Variants in PCSK2 observed in about 807,000 individuals in gnomAD.
PCSK2 encodes proprotein convertase subtilisin/kexin type 2.
PCSK2 carries 14 observed loss-of-function variants against 69.7 expected under a neutral mutation model. The observed-to-expected ratio is 0.20, with a 90% CI of 0.13 to 0.31. PCSK2 has a LOEUF of 0.31. Among genes scored for constraint, PCSK2 ranks in the 10% least tolerant of loss-of-function variants. The pLI is 1.00. For synonymous variants in PCSK2, 307 were observed against 320.7 expected (o/e 0.96, Z 0.46); for missense variants, 544 against 842.5 (o/e 0.65, Z 4.39).
intron 11 of PCSK2, among the ~76,000 whole-genome samples, chr20:17,468,169 A>G (rs1294436864): frequency 1.3e-5 from 2 of 149,552 alleles, no homozygotes; most frequent in Non-Finnish European, 3.0e-5. Context: ...ACCATAGGTC[A>G]GCATCCTCCC....
chr20:17,308,429 C>T (rs745952011), intron 2 of PCSK2, among the ~76,000 whole-genome samples: 6 of 152,112 alleles, frequency 3.9e-5, no homozygotes, highest in African/African-American at 1.4e-4. Context: ...TGAATCCCCC[C>T]AAAAAAGAAC....
rs116821348 is a variant in PCSK2, at chr20:17,469,975, C to T, written c.1430+4422C>T. ...TCTCCCAAACCCCATCACTGGCATT[C>T]CAGAGGCCCTTTTCACTGGTCTACA... On this transcript the variant is annotated intron_variant, in intron 11 of 11. Coordinates refer to ENST00000262545, the MANE Select transcript of PCSK2 (RefSeq NM_002594.5). Among the ~76,000 whole-genome samples, 371 of 152,270 alleles carry T rather than the reference C, an allele frequency of 2.4e-3. 2 individuals carry two copies. The highest frequency in any genetic ancestry group is 8.4e-3 in the African/African-American group (349 of 41,532).
chr20:17,253,115 C>T (rs1381659618), intron 1 of PCSK2, among the ~76,000 whole-genome samples: 3 of 152,026 alleles, frequency 2.0e-5, no homozygotes, highest in Admixed American at 1.3e-4. Flanking sequence ...GATTGAATTC[C>T]TAGGATATAT....
At position 17,275,993 on chromosome 20, in the gene PCSK2, G is replaced by A. The variant is rs559621768; in HGVS notation, c.282+15649G>A. Among the ~76,000 whole-genome samples the A allele has an allele frequency of 1.4e-3, 206 of 152,258 alleles. 2 individuals carry two copies. The highest frequency in any genetic ancestry group is 4.8e-3 in the African/African-American group (198 of 41,554). ...TTACTTATCTGAAAGGTTGATGTGAGCATTAAATGAAATGATGCTAGGGTA... is the reference window on the plus strand; with the variant it reads ...TTACTTATCTGAAAGGTTGATGTGAACATTAAATGAAATGATGCTAGGGTA... On this transcript the variant is annotated intron_variant, in intron 2 of 11. Coordinates refer to ENST00000262545, the MANE Select transcript of PCSK2 (RefSeq NM_002594.5).
chr20:17,438,837 C>T (rs775796600), intron 8 of PCSK2, among the ~76,000 whole-genome samples: 7 of 152,250 alleles, frequency 4.6e-5, no homozygotes, highest in Non-Finnish European at 8.8e-5. Flanking sequence ...AATTTATGGT[C>T]CAGAGCCCCC....
At chr20:17,344,904 T>C (rs893115958) in intron 2 of PCSK2, among the ~76,000 whole-genome samples, 29 of 151,992 alleles carry the variant, frequency 1.9e-4, no homozygotes, top group African/African-American at 6.8e-4. Context: ...TGCAGGAAAC[T>C]GCCCAAGGCT....
chr20:17,426,638 C>T (rs2032254542), intron 6 of PCSK2, among the ~76,000 whole-genome samples: 2 of 152,206 alleles, frequency 1.3e-5, no homozygotes, highest in South Asian at 4.1e-4. Flanking sequence ...AGGCTGGAGA[C>T]CCTGAGAGCC....
At chr20:17,445,391 T>C (rs1306604103) in intron 8 of PCSK2, among the ~76,000 whole-genome samples, 3 of 152,190 alleles carry the variant, frequency 2.0e-5, no homozygotes, top group African/African-American at 7.2e-5. Context: ...GAGTTGCTGC[T>C]GGAGGGAATA....
At chr20:17,268,062 T>TATATATATATATATATAAAA (rs1403191827) in intron 2 of PCSK2, among the ~76,000 whole-genome samples, 2 of 146,744 alleles carry the variant, frequency 1.4e-5, no homozygotes, top group African/African-American at 5.0e-5. Flanking sequence ...TATATATATA[T>TATATATATATATATATAAAA]AATGCATTTA....
chr20:17,360,764 G>A (rs1021717395), intron 4 of PCSK2, 124 bp downstream of exon 4: 5 of 655,000 alleles, frequency 7.6e-6, no homozygotes, highest in African/African-American at 1.8e-5. Flanking sequence ...GGGCATGATG[G>A]CCACACTGCA....
intron 2 of PCSK2, among the ~76,000 whole-genome samples, chr20:17,272,987 A>G (rs747610652): frequency 3.0e-4 from 46 of 152,124 alleles, no homozygotes; most frequent in Non-Finnish European, 6.0e-4. Context: ...GGCAATTTGA[A>G]TTCTGTTGAT....
At chr20:17,353,390 G>T (rs567437232) in intron 2 of PCSK2, among the ~76,000 whole-genome samples, 2 of 151,716 alleles carry the variant, frequency 1.3e-5, no homozygotes, top group African/African-American at 4.8e-5. Context: ...GCTTGAACCC[G>T]GGAGGTGGAG....
At chr20:17,347,785 G>GATGAAAGAAAGA (rs1342827069) in intron 2 of PCSK2, among the ~76,000 whole-genome samples, 1 of 86,646 alleles carries the variant, frequency 1.2e-5, no homozygotes, top group African/African-American at 4.6e-5. Context: ...AAGACACATA[G>GATGAAAGAAAGA]ACGAAAGAAA....
At chr20:17,413,849 A>C (rs1386784264) in intron 6 of PCSK2, among the ~76,000 whole-genome samples, 3 of 152,252 alleles carry the variant, frequency 2.0e-5, no homozygotes, top group South Asian at 4.1e-4. Context: ...ACCACAGTGC[A>C]ATCAAATTAG....
At chr20:17,275,864 G>C (rs2123034523) in intron 2 of PCSK2, among the ~76,000 whole-genome samples, 1 of 152,120 alleles carries the variant, frequency 6.6e-6, no homozygotes, top group East Asian at 1.9e-4. Flanking sequence ...ATAAATTCTA[G>C]TTTTAATCTC....
chr20:17,248,579 C>A (rs1986853344), intron 1 of PCSK2, among the ~76,000 whole-genome samples: 1 of 152,170 alleles, frequency 6.6e-6, no homozygotes, highest in Admixed American at 6.5e-5. Context: ...GAAAAATAAC[C>A]AATGCCTACA....
intron 2 of PCSK2, among the ~76,000 whole-genome samples, chr20:17,264,696 C>T (rs896633253): frequency 3.3e-5 from 5 of 152,158 alleles, no homozygotes; most frequent in African/African-American, 1.2e-4. Context: ...GTTTCCTATT[C>T]TTTAAAATCA....
chr20:17,301,216 G>A (rs1490347503), intron 2 of PCSK2, among the ~76,000 whole-genome samples: 1 of 152,170 alleles, frequency 6.6e-6, no homozygotes, highest in Non-Finnish European at 1.5e-5. Context: ...AAAATTTCCA[G>A]CACTGGCTGG....
chr20:17,413,419 A>G (rs942802404), intron 6 of PCSK2, among the ~76,000 whole-genome samples: 12 of 152,226 alleles, frequency 7.9e-5, no homozygotes, highest in African/African-American at 2.7e-4. Flanking sequence ...ACCAACAAAG[A>G]TCAAAAGAGA....
Sources: allele counts gnomAD v4.1 joint callset (sites outside exome capture counted in the v4.1 genomes callset), GRCh38; gene constraint gnomAD v4.1.1; transcripts MANE v1.5; gene names NCBI Gene and HGNC (gene_info 2026-07-23, HGNC 2026-07-21).